Variants in MRPS5 observed in about 807,000 individuals in gnomAD.
MRPS5 encodes the protein mitochondrial ribosomal protein S5.
Under a neutral mutation model 51.9 loss-of-function variants are expected in MRPS5, and 27 were observed. The observed-to-expected ratio is 0.52, with a 90% CI of 0.38 to 0.72. The LOEUF (loss-of-function observed/expected upper bound fraction) is 0.72, where lower values mean the gene tolerates loss of function less well. Ranked by LOEUF, MRPS5 falls within the 30% of genes least tolerant of loss-of-function variation. The pLI is 0.00. For missense variants in MRPS5, 570 were observed against 545.7 expected (o/e 1.04, Z -0.44); for synonymous variants, 196 against 193.2 (o/e 1.01, Z -0.12).
At position 95,097,629 on chromosome 2, in the gene MRPS5, G is replaced by A. The variant is rs1298572058; in HGVS notation, c.931+2845C>T. ...TTCCCTATTTAATAAATGGTACTGG[G>A]AAAACTGGCTAGCCATATGTAGAAA... On this transcript the variant is annotated intron_variant, in intron 10 of 11. Transcript: ENST00000272418. Among the ~76,000 whole-genome samples the A allele has an allele frequency of 2.6e-5, 4 of 152,282 alleles. No individual in the cohort carries two copies. The East Asian group carries it at 5.8e-4, about 22-fold the overall frequency.
At chr2:95,098,539 T>C (rs531076959) in intron 10 of MRPS5, among the ~76,000 whole-genome samples, 2 of 152,230 alleles carry the variant, frequency 1.3e-5, no homozygotes, top group East Asian at 1.9e-4. Context: ...ATGTCCTTCG[T>C]AGGGACATGA....
chr2:95,094,738 C>A (rs1488859646), intron 10 of MRPS5, among the ~76,000 whole-genome samples: 1 of 152,174 alleles, frequency 6.6e-6, no homozygotes, highest in Non-Finnish European at 1.5e-5. Context: ...AAGCACTCAA[C>A]ATGGAAAGGA....
At chr2:95,106,912 G>A (rs540797898) in intron 5 of MRPS5, among the ~76,000 whole-genome samples, 1 of 152,184 alleles carries the variant, frequency 6.6e-6, no homozygotes, top group South Asian at 2.1e-4. Context: ...GGTGCTGCTG[G>A]AAAGAAGTCA....
intron 10 of MRPS5, among the ~76,000 whole-genome samples, chr2:95,096,903 C>T (rs1202675892): frequency 6.6e-6 from 1 of 152,194 alleles, no homozygotes; most frequent in African/African-American, 2.4e-5. Context: ...CAAATTGTCC[C>T]TGTTTGCAGA....
intron 10 of MRPS5, chr2:95,091,904 G>C (rs1388156917): frequency 6.6e-6 from 1 of 152,164 alleles, no homozygotes; most frequent in African/African-American, 2.4e-5. Context: ...GATGAGCACT[G>C]GTGTGCACAC....
Position 95,086,547 on chromosome 2 carries a change from G to A in MRPS5, c.*810C>T, listed in dbSNP as rs757376375. Among the ~76,000 whole-genome samples the A allele has an allele frequency of 1.4e-4, 22 of 152,060 alleles. No individual in the cohort carries two copies. The highest frequency in any genetic ancestry group is 2.1e-4 in the Non-Finnish European group (14 of 68,014). ...AATAAACAGCGCCTCAGGGACTCAC[G>A]GGACAATAGTAAAAGATTCAACATT... On this transcript the variant is annotated 3_prime_UTR_variant, in exon 12 of 12. Transcript: ENST00000272418.
intron 4 of MRPS5, among the ~76,000 whole-genome samples, chr2:95,109,091 TGAA>T (rs1676040939): frequency 6.6e-6 from 1 of 151,990 alleles, no homozygotes; most frequent in African/African-American, 2.4e-5. Context: ...ACAATAGGAT[TGAA>T]GAAGGTAGAA....
intron 10 of MRPS5, 56 bp from the exon 11 acceptor site, chr2:95,090,578 C>T (rs1453536139): frequency 1.2e-6 from 2 of 1,607,352 alleles, no homozygotes; most frequent in Admixed American, 3.4e-5. Context: ...CCGGAGGAGT[C>T]ACCCTGCTGG....
intron 11 of MRPS5, 76 bp downstream of exon 11, chr2:95,090,310 C>A: frequency 6.6e-7 from 1 of 1,523,922 alleles, no homozygotes; most frequent in Non-Finnish European, 8.9e-7. Context: ...CAGGAGGCCC[C>A]AGGGCATCGT....
At position 95,087,272 on chromosome 2, in the gene MRPS5, G is replaced by T; in HGVS notation, c.*85C>A. On this transcript the variant is annotated 3_prime_UTR_variant, in exon 12 of 12. Coordinates refer to ENST00000272418, the MANE Select transcript of MRPS5 (RefSeq NM_031902.5). ...AAACTTCCCTCAAAACAAACAAAAG[G>T]CAAGGTAACATCCCAAGCTGTGAGG... 1.0e-6 allele frequency: 1 copy of T among 995,336 alleles called. No individual in the cohort carries two copies. Among genetic ancestry groups the T allele is most frequent in the Non-Finnish European group, 1.5e-6 (1 of 661,682 alleles). 61.7% of individuals were successfully genotyped at this position (995,336 alleles called of 1,614,324 possible).
At position 95,086,708 on chromosome 2, in the gene MRPS5, C is replaced by G. The variant is rs1431200014; in HGVS notation, c.*649G>C. ...TGATAGGGGGGCTTATATCTAGAAA[C>G]TATAAGGAACTCAATAATAATAAAA... is the stretch of plus-strand genomic sequence containing the variant. On this transcript the variant is annotated 3_prime_UTR_variant, in exon 12 of 12. Transcript: ENST00000272418. Among the ~76,000 whole-genome samples, 1 of 152,056 alleles carries G rather than the reference C, an allele frequency of 6.6e-6. No individual in the cohort carries two copies. Among genetic ancestry groups the G allele is most frequent in the Non-Finnish European group, 1.5e-5 (1 of 68,012 alleles).
chr2:95,088,071 C>T (rs1421639867), intron 11 of MRPS5, among the ~76,000 whole-genome samples: 1 of 151,282 alleles, frequency 6.6e-6, no homozygotes, highest in African/African-American at 2.4e-5. Flanking sequence ...ATTTAAAAGG[C>T]ATAGCAAAAA....
Position 95,108,194 on chromosome 2 carries a change from A to T in MRPS5, c.618T>A (p.Pro206=). 1.2e-6 allele frequency: 2 copies of T among 1,614,126 alleles called. No homozygotes were observed. The highest frequency in any genetic ancestry group is 2.7e-5 in the African/African-American group (2 of 75,056). The change falls in exon 5 of 12, where the codon CCT becomes CCA. Residue 206 remains proline (P), a synonymous_variant. Transcript: ENST00000272418. ...NSWGGISLGP[P]DPGPCGETYE... ...TGCTACCTCCACAGGGACCAGGGTCAGGGGGGCCAAGACTGATGCCTCCCC... is the reference window on the plus strand; with the variant it reads ...TGCTACCTCCACAGGGACCAGGGTCTGGGGGGCCAAGACTGATGCCTCCCC...
chr2:95,104,005 G>A (rs1397244190), intron 7 of MRPS5: 1 of 152,248 alleles, frequency 6.6e-6, no homozygotes, highest in South Asian at 2.1e-4. Context: ...CCATTTTCCT[G>A]TGTTCTTTTC....
At chr2:95,105,646 TAAAAG>T (rs1009436328) in intron 6 of MRPS5, among the ~76,000 whole-genome samples, 22 of 152,186 alleles carry the variant, frequency 1.4e-4, no homozygotes, top group African/African-American at 5.3e-4. Context: ...AAAATGGGGT[TAAAAG>T]AAAAGGGAGC....
chr2:95,117,903 G>A lies in MRPS5; in HGVS notation c.101C>T (p.Ala34Val), dbSNP rs1676331659. 6.2e-7 allele frequency: 1 copy of A among 1,608,812 alleles called. No homozygotes were observed. Among genetic ancestry groups the A allele is most frequent in the African/African-American group, 1.3e-5 (1 of 74,392 alleles). ...ACTCTTCCATGCCAAAATGGAAGCT[G>A]CTGGTAAGGTGTTTAGGGAACACTG... is the stretch of plus-strand genomic sequence containing the variant. ...GRQCSLNTLP[A>V]ASILAWKSVL... Residue 34 changes from alanine (A) to valine (V), a missense_variant, in exon 2 of 12, where the codon GCA (alanine) becomes GTA (valine). Ala to Val is a moderately conservative substitution (Grantham distance 64, BLOSUM62 0). Coordinates refer to ENST00000272418, the MANE Select transcript of MRPS5 (RefSeq NM_031902.5).
In MRPS5 at chr2:95,087,303, A is replaced by G. The variant is rs1439379756; in HGVS notation, c.*54T>C. Reference sequence around the variant, plus strand: ...TAACATCCCAAGCTGTGAGGGGCTGAGTCTCTCCTAGGTGCAGGGCAGCAC... The same window carrying G: ...TAACATCCCAAGCTGTGAGGGGCTGGGTCTCTCCTAGGTGCAGGGCAGCAC... On this transcript the variant is annotated 3_prime_UTR_variant, in exon 12 of 12. Transcript: ENST00000272418. 1 of 1,417,786 alleles carries G rather than the reference A, an allele frequency of 7.1e-7. No individual in the cohort carries two copies. The highest frequency in any genetic ancestry group is 2.3e-5 in the East Asian group (1 of 43,592). 87.8% of individuals were successfully genotyped at this position (1,417,786 alleles called of 1,614,324 possible).
intron 7 of MRPS5, among the ~76,000 whole-genome samples, chr2:95,103,484 G>A (rs1336976842): frequency 6.6e-6 from 1 of 152,192 alleles, no homozygotes; most frequent in Non-Finnish European, 1.5e-5. Context: ...GAGAAACACA[G>A]ACATTGATGC....
intron 10 of MRPS5, among the ~76,000 whole-genome samples, chr2:95,096,274 C>G (rs989070721): frequency 2.6e-5 from 4 of 152,180 alleles, no homozygotes; most frequent in African/African-American, 9.7e-5. Context: ...GAGCTGGTAC[C>G]ATTCCTTCTG....
Sources: gnomAD v4.1 joint callset for allele counts (sites outside exome capture counted in the v4.1 genomes callset) on GRCh38, gnomAD v4.1.1 for gene constraint, MANE v1.5 for transcripts, NCBI Gene and HGNC (gene_info 2026-07-23, HGNC 2026-07-21) for gene names.